WDR45B: variants seen among roughly 807,000 people sequenced by gnomAD.
The protein encoded by WDR45B is WD repeat domain phosphoinositide-interacting protein 3.
In WDR45B, 20 loss-of-function variants were observed where a neutral mutation model predicts 44.6. The ratio of observed to expected loss-of-function variants is 0.45; its 90% CI spans 0.32 to 0.65. WDR45B has a LOEUF of 0.65. WDR45B is among the 30% of genes least tolerant of loss of function. The pLI is 0.05. For synonymous variants in WDR45B, 169 were observed against 164.9 expected (o/e 1.02, Z -0.19); for missense variants, 323 against 430.2 (o/e 0.75, Z 2.20).
chr17:82,622,537 G>A (rs549750485), intron 5 of WDR45B, among the ~76,000 whole-genome samples: 14 of 152,088 alleles, frequency 9.2e-5, no homozygotes, highest in African/African-American at 2.2e-4. Flanking sequence ...GGTTCACGCC[G>A]TTCTCCTGCC....
At chr17:82,625,827 TAAGAA>T (rs2045688996) in intron 4 of WDR45B, 11 of 320,076 alleles carry the variant, frequency 3.4e-5, no homozygotes, top group South Asian at 3.3e-4. Flanking sequence ...CTGGAAAAAA[TAAGAA>T]AAGTCTGAAA....
rs574801479 is a variant in WDR45B at position 82,629,078 on chromosome 17, A to C, written c.245-1787T>G. On this transcript the variant is annotated intron_variant, in intron 3 of 9. Transcript: ENST00000392325. The stretch of plus-strand genomic sequence containing the variant: ...GCTACAAAAAGTACATTTACTCAAA[A>C]ACCTGCTGAATACTGCTTTCTTCTA... 1.3e-4 allele frequency among the ~76,000 whole-genome samples: 20 copies of C among 152,336 alleles called. No individual in the cohort carries two copies. The South Asian group carries it at 3.9e-3, about 30-fold the overall frequency.
At position 82,643,945 on chromosome 17, in the gene WDR45B, T is replaced by C. The variant is rs2045947094; in HGVS notation, c.142+4A>G. The C allele has an allele frequency of 1.9e-6, 3 of 1,613,800 alleles. No individual in the cohort carries two copies. The highest frequency in any genetic ancestry group is 2.5e-6 in the Non-Finnish European group (3 of 1,179,770). ...AAACCAGAAAATGTCCCGTTAATTC[T>C]TACCTTGTTTCTCTTTTTCTTTTAG... On this transcript the variant is annotated splice_donor_region_variant and intron_variant, in intron 2 of 9. Coordinates refer to ENST00000392325, the MANE Select transcript of WDR45B (RefSeq NM_019613.4).
chr17:82,647,614 C>T (rs1006160724), intron 1 of WDR45B, among the ~76,000 whole-genome samples: 6 of 152,118 alleles, frequency 3.9e-5, no homozygotes, highest in Admixed American at 3.9e-4. Context: ...CCCTTAAGTC[C>T]TTTGACTCCA....
intron 2 of WDR45B, among the ~76,000 whole-genome samples, chr17:82,635,488 C>T (rs908706233): frequency 2.1e-5 from 3 of 144,092 alleles, no homozygotes; most frequent in South Asian, 2.2e-4. Context: ...TGCAGTGGTG[C>T]GATCTTGGCT....
intron 3 of WDR45B, among the ~76,000 whole-genome samples, chr17:82,628,407 T>C (rs369682400): frequency 1.8e-4 from 27 of 152,260 alleles, no homozygotes; most frequent in African/African-American, 6.5e-4. Flanking sequence ...CCGACAAGCT[T>C]TAGGGATGAG....
chr17:82,646,083 A>G (rs1417593838), intron 1 of WDR45B, among the ~76,000 whole-genome samples: 1 of 151,640 alleles, frequency 6.6e-6, no homozygotes, highest in Non-Finnish European at 1.5e-5. Flanking sequence ...ATCACGCCAC[A>G]GCACTCCAGC....
At chr17:82,647,804 A>G (rs2045999013) in intron 1 of WDR45B, among the ~76,000 whole-genome samples, 1 of 151,912 alleles carries the variant, frequency 6.6e-6, no homozygotes, top group Non-Finnish European at 1.5e-5. Flanking sequence ...CGGGCTACCT[A>G]CTAAAGACCC....
In WDR45B at chr17:82,621,732, A is replaced by G. The variant is rs752354964; in HGVS notation, c.495T>C (p.His165=). 5.0e-6 allele frequency: 8 copies of G among 1,614,114 alleles called. No homozygotes were observed. The East Asian group carries it at 6.7e-5, about 13-fold the overall frequency. The change falls in exon 6 of 10, where the codon CAT becomes CAC. Residue 165 remains histidine, a synonymous_variant. Transcript: ENST00000392325. ...TGCTGGCCAGGTCCACAAGCTGCACATGGCCCGTGTGCGTGCCCGGAAAGG... is the reference window on the plus strand; with the variant it reads ...TGCTGGCCAGGTCCACAAGCTGCACGTGGCCCGTGTGCGTGCCCGGAAAGG... ...LLAFPGTHTG[H]VQLVDLASTE...
chr17:82,624,258 C>T (rs2045661408), intron 5 of WDR45B, among the ~76,000 whole-genome samples: 1 of 152,200 alleles, frequency 6.6e-6, no homozygotes, highest in Non-Finnish European at 1.5e-5. Flanking sequence ...GAAAGTTTTC[C>T]AGGAGAAGAG....
intron 3 of WDR45B, 30 bp downstream of exon 3, chr17:82,630,891 G>C (rs1264796253): frequency 1.9e-6 from 3 of 1,589,568 alleles, no homozygotes; most frequent in African/African-American, 2.7e-5. Flanking sequence ...GACACGTGAG[G>C]CATGATTCTT....
chr17:82,628,852 T>C (rs1243300064), intron 3 of WDR45B, among the ~76,000 whole-genome samples: 4 of 151,634 alleles, frequency 2.6e-5, no homozygotes, highest in Admixed American at 2.6e-4. Context: ...ACACAAAAGG[T>C]AGCCGGGTGT....
intron 4 of WDR45B, among the ~76,000 whole-genome samples, chr17:82,626,366 T>TAAAGATA (rs2045697219): frequency 6.6e-6 from 1 of 150,706 alleles, no homozygotes; most frequent in Non-Finnish European, 1.5e-5. Context: ...TGAAACCCTG[T>TAAAGATA]CTCTACTAAA....
intron 4 of WDR45B, 119 bp from the exon 5 acceptor site, chr17:82,625,602 T>C (rs895339613): frequency 1.0e-5 from 11 of 1,061,076 alleles, no homozygotes; most frequent in African/African-American, 6.3e-5. Flanking sequence ...AGAAAAGGAG[T>C]GTTCCTGAAG....
rs997681528 is a variant in WDR45B at position 82,637,249 on chromosome 17, G to C, written c.143-6227C>G. ...GGGTCCCTGGCGGTCGGACTTGTCT[G>C]TAACAGCAACTAAAATTGCAGCAAT... On this transcript the variant is annotated intron_variant, in intron 2 of 9. Transcript: ENST00000392325. 4.2e-4 allele frequency among the ~76,000 whole-genome samples: 64 copies of C among 151,988 alleles called. 3 individuals carry two copies. Among genetic ancestry groups the C allele is most frequent in the African/African-American group, 1.5e-3 (62 of 41,274 alleles).
intron 1 of WDR45B, among the ~76,000 whole-genome samples, chr17:82,645,188 C>T (rs957157422): frequency 5.9e-5 from 9 of 151,860 alleles, no homozygotes; most frequent in Non-Finnish European, 1.3e-4. Flanking sequence ...ATCCCAGCTA[C>T]TCAGGAGGCT....
chr17:82,616,772 T>C, intron 8 of WDR45B, 127 bp from the exon 9 acceptor site: 1 of 1,308,330 alleles, frequency 7.6e-7, no homozygotes, highest in Non-Finnish European at 1.1e-6. Flanking sequence ...TAATGAATTT[T>C]TTTTTTGCCA....
At chr17:82,633,578 C>T (rs2045796486) in intron 2 of WDR45B, among the ~76,000 whole-genome samples, 1 of 152,064 alleles carries the variant, frequency 6.6e-6, no homozygotes, top group Non-Finnish European at 1.5e-5. Flanking sequence ...GTGATGAGAA[C>T]AGGGCTCACT....
intron 1 of WDR45B, 60 bp from the exon 2 acceptor site, chr17:82,644,083 G>A: frequency 1.3e-6 from 2 of 1,547,408 alleles, no homozygotes; most frequent in South Asian, 1.1e-5. Context: ...AAAAGAAAGA[G>A]GTCTGGAGAA....
Sources: allele counts gnomAD v4.1 joint callset (sites outside exome capture counted in the v4.1 genomes callset), GRCh38; gene constraint gnomAD v4.1.1; transcripts MANE v1.5; gene names NCBI Gene and HGNC (gene_info 2026-07-23, HGNC 2026-07-21).